TECPR2: variants seen among roughly 807,000 people sequenced by gnomAD.
TECPR2 encodes tectonin beta-propeller repeat-containing protein 2.
TECPR2 carries 65 observed loss-of-function variants against 138.1 expected under a neutral mutation model. That is an observed-to-expected ratio of 0.47 (90% CI 0.39 to 0.58). TECPR2 has a LOEUF of 0.58. Among genes scored for constraint, TECPR2 ranks in the 20% least tolerant of loss-of-function variants. The pLI is 0.00. For missense variants in TECPR2, 1,553 were observed against 1,824.5 expected (o/e 0.85, Z 2.71); for synonymous variants, 746 against 749.8 (o/e 0.99, Z 0.08).
intron 17 of TECPR2, among the ~76,000 whole-genome samples, chr14:102,482,107 T>C (rs530821442): frequency 1.3e-5 from 2 of 152,046 alleles, no homozygotes; most frequent in Non-Finnish European, 2.9e-5. Context: ...TGGCGTGCAA[T>C]GGTGCGATCA....
chr14:102,500,275 G>A lies in TECPR2; in HGVS notation c.*2018G>A, dbSNP rs1891408459. ...ACCTGCCAGCCCAGCCCCACCACAG[G>A]GAGAGTGCGTCAGCAGACCTGTCCT... On this transcript the variant is annotated 3_prime_UTR_variant, in exon 20 of 20. Coordinates refer to ENST00000359520, the MANE Select transcript of TECPR2 (RefSeq NM_014844.5). The A allele has an allele frequency of 6.6e-6, 1 of 152,486 alleles. No homozygotes were observed. Among genetic ancestry groups the A allele is most frequent in the South Asian group, 2.1e-4 (1 of 4,834 alleles). 9.4% of individuals were successfully genotyped at this position (152,486 alleles called of 1,614,324 possible). A position where few individuals can be genotyped will look rare whatever the true frequency, so the allele number is the denominator to read the frequency against.
At chr14:102,368,518 T>C (rs1018990469) in intron 1 of TECPR2, among the ~76,000 whole-genome samples, 1 of 152,176 alleles carries the variant, frequency 6.6e-6, no homozygotes, top group Non-Finnish European at 1.5e-5. Flanking sequence ...TAAAATTGTC[T>C]TTTTATTATT....
chr14:102,388,309 G>GA (rs900923254), intron 2 of TECPR2, among the ~76,000 whole-genome samples: 8 of 151,616 alleles, frequency 5.3e-5, no homozygotes, highest in East Asian at 1.9e-4. Context: ...GACTCTTAGG[G>GA]AAAAAAAATA....
chr14:102,434,962 A>G lies in TECPR2; in HGVS notation c.2145A>G (p.Glu715=). ...GTCAGAAAGAAATACCCATTTCTGAACGTGTCTTGGGGAGTGTGGGAGGAC... is the reference window on the plus strand; with the variant it reads ...GTCAGAAAGAAATACCCATTTCTGAGCGTGTCTTGGGGAGTGTGGGAGGAC... The part of the protein sequence containing the change: ...DTGQKEIPIS[E]RVLGSVGGQL... The change falls in exon 9 of 20, where the codon GAA becomes GAG. Residue 715 remains glutamate (E), a synonymous_variant. Coordinates refer to ENST00000359520, the MANE Select transcript of TECPR2 (RefSeq NM_014844.5). 6.2e-7 allele frequency: 1 copy of G among 1,614,156 alleles called. No homozygotes were observed. The highest frequency in any genetic ancestry group is 1.1e-5 in the South Asian group (1 of 91,086).
chr14:102,439,433 T>G (rs1595127005), intron 10 of TECPR2, among the ~76,000 whole-genome samples: 1 of 152,210 alleles, frequency 6.6e-6, no homozygotes, highest in Non-Finnish European at 1.5e-5. Context: ...ACTGTTTGTT[T>G]GAAAAATATT....
rs1889876397 is a variant in TECPR2 at position 102,443,062 on chromosome 14, A to G, written c.2753-585A>G. 6.6e-6 allele frequency among the ~76,000 whole-genome samples: 1 copy of G among 152,212 alleles called. No homozygotes were observed. The highest frequency in any genetic ancestry group is 2.4e-5 in the African/African-American group (1 of 41,444). ...AACCTCGCACCCAGTCAGAGCAGAG[A>G]GGAGCCGCCGTGCTGGAGCTCTCTG... On this transcript the variant is annotated intron_variant, in intron 11 of 19. Coordinates refer to ENST00000359520, the MANE Select transcript of TECPR2 (RefSeq NM_014844.5). The surrounding 1 kb of genome is among the most constrained non-coding windows in gnomAD (Gnocchi z 4.9).
Position 102,431,815 on chromosome 14 carries a change from G to A in TECPR2, c.1104G>A (p.Met368Ile). ...LTSTVRDGLEMSGCSERVHVQ... is the reference protein window; with the variant it reads ...LTSTVRDGLEISGCSERVHVQ... ...TCTTAGTGAGAGATGGTCTGGAGAT[G>A]TCTGGATGCTCAGAGCGTGTCCACG... The change falls in exon 8 of 20, where the codon ATG (methionine) becomes ATA (isoleucine). Residue 368 changes from methionine to isoleucine, a missense_variant. Coordinates refer to ENST00000359520, the MANE Select transcript of TECPR2 (RefSeq NM_014844.5). 6.3e-7 allele frequency: 1 copy of A among 1,577,822 alleles called. No homozygotes were observed. The highest frequency in any genetic ancestry group is 1.8e-5 in the Admixed American group (1 of 56,256).
At chr14:102,488,616 T>A (rs1891090944) in intron 17 of TECPR2, among the ~76,000 whole-genome samples, 1 of 151,706 alleles carries the variant, frequency 6.6e-6, no homozygotes, top group Admixed American at 6.6e-5. Context: ...AGTGCTGGGA[T>A]TACAGGCATG....
At chr14:102,410,960 C>A (rs1371246148) in intron 4 of TECPR2, among the ~76,000 whole-genome samples, 6 of 152,310 alleles carry the variant, frequency 3.9e-5, no homozygotes, top group African/African-American at 1.4e-4. Context: ...TGAGTCGTCC[C>A]AATTCTTAGA....
intron 2 of TECPR2, among the ~76,000 whole-genome samples, chr14:102,406,949 C>T (rs1254743062): frequency 6.6e-6 from 1 of 152,214 alleles, no homozygotes; most frequent in South Asian, 2.1e-4. Flanking sequence ...ACCTCCGCCT[C>T]CTGGGTTCAA....
rs145725734 is a variant in TECPR2, at chr14:102,482,181, G to C, written c.3790-14798G>C. ...TGATTCTTCTGCCTCAGCCTCCCGA[G>C]TAGCTGGGCTTAACAGGCGTGTGCC... On this transcript the variant is annotated intron_variant, in intron 17 of 19. Transcript: ENST00000359520. Among the ~76,000 whole-genome samples the C allele has an allele frequency of 8.4e-3, 1,277 of 152,214 alleles. 25 individuals carry two copies. Among genetic ancestry groups the C allele is most frequent in the African/African-American group, 0.029 (1,222 of 41,526 alleles).
intron 17 of TECPR2, among the ~76,000 whole-genome samples, chr14:102,489,895 T>C (rs2139795882): frequency 6.6e-6 from 1 of 152,040 alleles, no homozygotes; most frequent in Admixed American, 6.5e-5. Flanking sequence ...AGTGCCAGGC[T>C]CAGCCGGGAG....
In TECPR2 at chr14:102,434,997, C is replaced by T. The variant is rs759611725; in HGVS notation, c.2180C>T (p.Pro727Leu). 22 of 1,613,960 alleles carry T rather than the reference C, an allele frequency of 1.4e-5. No homozygotes were observed. Among genetic ancestry groups the T allele is most frequent in the South Asian group, 2.2e-5 (2 of 91,094 alleles). ...VLGSVGGQLT[P>L]VSALAASTHK... ...GGGAGTGTGGGAGGACAGCTGACTC[C>T]GGTCTCTGCCTTGGCAGCCAGCACT... Residue 727 changes from proline to leucine, a missense_variant, in exon 9 of 20, where the codon CCG becomes CTG. Transcript: ENST00000359520.
At chr14:102,470,497 G>A (rs1161245072) in intron 17 of TECPR2, among the ~76,000 whole-genome samples, 3 of 151,540 alleles carry the variant, frequency 2.0e-5, no homozygotes, top group South Asian at 2.1e-4. Flanking sequence ...TAGTAGAGAC[G>A]AGGTTTCACC....
intron 10 of TECPR2, among the ~76,000 whole-genome samples, chr14:102,439,751 G>C (rs139556393): frequency 6.6e-6 from 1 of 152,226 alleles, no homozygotes; most frequent in East Asian, 1.9e-4. Context: ...AGAGATGCTC[G>C]ACAGGCCCTC....
intron 5 of TECPR2, 68 bp from the exon 6 acceptor site, chr14:102,424,911 G>T: frequency 6.9e-7 from 1 of 1,441,592 alleles, no homozygotes; most frequent in South Asian, 1.3e-5. Flanking sequence ...ATTAAGGGTT[G>T]ACAACTGCAT....
intron 17 of TECPR2, among the ~76,000 whole-genome samples, chr14:102,466,636 T>C (rs980391457): frequency 6.6e-6 from 1 of 152,208 alleles, no homozygotes; most frequent in Admixed American, 6.5e-5. Flanking sequence ...TTTTTCCTTC[T>C]AACAACTTTA....
Position 102,376,743 on chromosome 14 carries a change from G to A in TECPR2, c.22G>A (p.Val8Ile), listed in dbSNP as rs117112831. 3 of 1,614,204 alleles carry A rather than the reference G, an allele frequency of 1.9e-6. No individual in the cohort carries two copies. The highest frequency in any genetic ancestry group is 2.5e-6 in the Non-Finnish European group (3 of 1,180,042). Reference protein sequence around the residue: MASISEPVTFREFCPLYY... With the variant: MASISEPITFREFCPLYY... Reference sequence around the variant, plus strand: ...GGCCATGGCATCGATATCAGAGCCTGTTACATTCAGAGAGTTCTGCCCGTT... The same window carrying A: ...GGCCATGGCATCGATATCAGAGCCTATTACATTCAGAGAGTTCTGCCCGTT... Residue 8 changes from valine to isoleucine, a missense_variant, in exon 2 of 20, where the codon GTT (valine) becomes ATT (isoleucine). By Grantham distance (29) the Val-to-Ile change is conservative (BLOSUM62 3). Transcript: ENST00000359520.
intron 9 of TECPR2, among the ~76,000 whole-genome samples, chr14:102,435,454 T>C (rs908628448): frequency 2.0e-5 from 3 of 152,168 alleles, no homozygotes; most frequent in Non-Finnish European, 2.9e-5. Context: ...CAAGGTAGCG[T>C]CTTGCTGTTT....
Sources: gnomAD v4.1 joint callset for allele counts (sites outside exome capture counted in the v4.1 genomes callset) on GRCh38, gnomAD v4.1.1 for gene constraint, Gnocchi (gnomAD v3.1) non-coding constraint, MANE v1.5 for transcripts, NCBI Gene and HGNC (gene_info 2026-07-23, HGNC 2026-07-21) for gene names.